Variants in CEP43 observed in about 807,000 individuals in gnomAD.
CEP43 encodes the protein centrosomal protein 43.
CEP43 carries 36 observed loss-of-function variants against 52.6 expected under a neutral mutation model. The observed-to-expected ratio is 0.68, with a 90% CI of 0.52 to 0.90. The LOEUF is 0.90. Ranked by LOEUF, CEP43 falls within the 40% of genes least tolerant of loss-of-function variation. CEP43 has a pLI of 0.00. For synonymous variants in CEP43, 192 were observed against 172.4 expected (o/e 1.11, Z -0.89); for missense variants, 506 against 472.8 (o/e 1.07, Z -0.65).
At chr6:167,008,710 G>A (rs932017130) in intron 5 of CEP43, among the ~76,000 whole-genome samples, 8 of 151,824 alleles carry the variant, frequency 5.3e-5, no homozygotes, top group African/African-American at 1.2e-4. Context: ...CTCTGACCTC[G>A]TGATCCACCC....
intron 7 of CEP43, among the ~76,000 whole-genome samples, chr6:167,016,170 T>C (rs1286197227): frequency 6.6e-6 from 1 of 152,220 alleles, no homozygotes; most frequent in African/African-American, 2.4e-5. Context: ...TCTATATTTT[T>C]TTGTTTTTAA....
At chr6:167,016,985 T>C (rs1302862558) in intron 7 of CEP43, among the ~76,000 whole-genome samples, 1 of 149,716 alleles carries the variant, frequency 6.7e-6, no homozygotes, top group Non-Finnish European at 1.5e-5. Context: ...ATTTATTATT[T>C]ATTTATTTTT....
rs1388923960 is a variant in CEP43, at chr6:167,047,881, C to G, written c.*7903C>G. On this transcript the variant is annotated 3_prime_UTR_variant, in exon 13 of 13. Transcript: ENST00000366847. ...ACGGTGGATGCCGTAAGTGTTTACA[C>G]TGAAAAGGATTTTCACGAAAACCTG... 3 of 152,032 alleles carry G rather than the reference C, an allele frequency of 2.0e-5. No individual in the cohort carries two copies. The highest frequency in any genetic ancestry group is 4.4e-5 in the Non-Finnish European group (3 of 68,004). The allele number at this position is 152,032 out of a possible 1,614,324, so 9.4% of individuals were successfully genotyped here.
At chr6:167,028,303 G>C in intron 10 of CEP43, 1 of 985,344 alleles carries the variant, frequency 1.0e-6, no homozygotes, top group Non-Finnish European at 1.2e-6. Context: ...AGGGAATGTC[G>C]TTGCTGGGGC....
Position 167,003,736 on chromosome 6 carries a change from T to C in CEP43, c.225T>C (p.Ala75=). Residue 75 remains alanine, a synonymous_variant, in exon 4 of 13, where the codon GCT becomes GCC. Transcript: ENST00000366847. ...TGATCTTTATAGGTCGTTTAGTGGCTAGTCTTGTTGCAGAATTTCTTCAGT... is the reference window on the plus strand; with the variant it reads ...TGATCTTTATAGGTCGTTTAGTGGCCAGTCTTGTTGCAGAATTTCTTCAGT... ...FLNTKDGRLV[A]SLVAEFLQFF... 1.9e-6 allele frequency: 3 copies of C among 1,610,570 alleles called. No individual in the cohort carries two copies. Among genetic ancestry groups the C allele is most frequent in the Non-Finnish European group, 2.5e-6 (3 of 1,177,516 alleles).
chr6:167,038,525 A>T (rs760073055), intron 12 of CEP43, among the ~76,000 whole-genome samples: 1 of 152,218 alleles, frequency 6.6e-6, no homozygotes, highest in Non-Finnish European at 1.5e-5. Flanking sequence ...TGTGAACAGA[A>T]TCATACATTG....
At chr6:166,999,727 G>A (rs570445287) in intron 1 of CEP43, 45 of 487,324 alleles carry the variant, frequency 9.2e-5, no homozygotes, top group Non-Finnish European at 1.5e-4. Flanking sequence ...ACCGCGGACT[G>A]GGGGTGCCTG....
intron 7 of CEP43, among the ~76,000 whole-genome samples, chr6:167,021,400 A>G (rs1780228686): frequency 6.6e-6 from 1 of 152,238 alleles, no homozygotes; most frequent in African/African-American, 2.4e-5. Flanking sequence ...ATATCCACAG[A>G]TAGAAAGCCA....
At position 167,040,658 on chromosome 6, in the gene CEP43, C is replaced by T. The variant is rs1199985567; in HGVS notation, c.*680C>T. ...AGAATTGTCAATAACATAACATTTGCAATCGTCATTCCTCCTGTTATCCAT... is the reference window on the plus strand; with the variant it reads ...AGAATTGTCAATAACATAACATTTGTAATCGTCATTCCTCCTGTTATCCAT... On this transcript the variant is annotated 3_prime_UTR_variant, in exon 13 of 13. Coordinates refer to ENST00000366847, the MANE Select transcript of CEP43 (RefSeq NM_007045.4). The T allele has an allele frequency of 6.8e-6, 7 of 1,022,866 alleles. No homozygotes were observed. Among genetic ancestry groups the T allele is most frequent in the Admixed American group, 5.5e-5 (1 of 18,306 alleles). The allele number at this position is 1,022,866 out of a possible 1,614,324, so 63.4% of individuals were successfully genotyped here.
At chr6:167,008,920 G>C (rs986150029) in intron 5 of CEP43, among the ~76,000 whole-genome samples, 1 of 152,112 alleles carries the variant, frequency 6.6e-6, no homozygotes, top group Non-Finnish European at 1.5e-5. Context: ...CACATAAGAA[G>C]GCAAATCTAG....
rs1049953660 is a variant in CEP43 at position 167,042,515 on chromosome 6, T to C, written c.*2537T>C. On this transcript the variant is annotated 3_prime_UTR_variant, in exon 13 of 13. Transcript: ENST00000366847. ...CCTCATGCTTGCCCACAGCTCTTCC[T>C]CCCCTCCTTACTTCCCTCTCCTGCC... The C allele has an allele frequency of 5.4e-5, 15 of 280,126 alleles. No homozygotes were observed. Among genetic ancestry groups the C allele is most frequent in the Middle Eastern group, 1.8e-3 (1 of 546 alleles). 17.4% of individuals were successfully genotyped at this position (280,126 alleles called of 1,614,324 possible).
intron 5 of CEP43, among the ~76,000 whole-genome samples, chr6:167,010,018 A>C (rs1213193558): frequency 1.3e-5 from 2 of 152,208 alleles, no homozygotes; most frequent in Non-Finnish European, 2.9e-5. Flanking sequence ...TCACCAACAG[A>C]AATAGTGGGA....
chr6:167,003,565 T>C, intron 3 of CEP43, 158 bp from the exon 4 acceptor site: 1 of 565,330 alleles, frequency 1.8e-6, no homozygotes, highest in Non-Finnish European at 3.1e-6. Context: ...GAGATTGAGA[T>C]TTTCATTACT....
intron 5 of CEP43, 93 bp from the exon 6 acceptor site, chr6:167,010,720 G>A (rs1428336242): frequency 7.2e-6 from 4 of 556,320 alleles, no homozygotes; most frequent in Admixed American, 4.0e-5. Flanking sequence ...ACATTGTATA[G>A]TGTTTTTAAA....
chr6:167,000,420 C>T (rs1480212043), intron 2 of CEP43, among the ~76,000 whole-genome samples: 1 of 152,174 alleles, frequency 6.6e-6, no homozygotes, highest in Non-Finnish European at 1.5e-5. Context: ...CACTCAGATC[C>T]TTTAGTAAGC....
At chr6:167,026,399 TTAATCAC>T in intron 9 of CEP43, 141 bp from the exon 10 acceptor site, 1 of 637,466 alleles carries the variant, frequency 1.6e-6, no homozygotes, top group Non-Finnish European at 2.8e-6. Flanking sequence ...TAAGCGTTCA[TTAATCAC>T]AGTTTATTTT....
intron 6 of CEP43, chr6:167,011,565 A>G (rs1779985965): frequency 6.6e-6 from 1 of 152,282 alleles, no homozygotes; most frequent in South Asian, 2.1e-4. Context: ...TCAAGAGCAC[A>G]GCATGAATTG....
chr6:167,006,227 T>C (rs1013857626), intron 5 of CEP43, among the ~76,000 whole-genome samples: 4 of 152,352 alleles, frequency 2.6e-5, no homozygotes, highest in South Asian at 4.1e-4. Flanking sequence ...ATTGAAAATA[T>C]TCGGATAGGC....
At chr6:167,021,715 T>TACAC (rs112523119) in intron 7 of CEP43, among the ~76,000 whole-genome samples, 70 of 151,130 alleles carry the variant, frequency 4.6e-4, no homozygotes, top group Admixed American at 1.3e-3. Flanking sequence ...CATAGAGAAA[T>TACAC]ACACACACAC....
Sources: gnomAD v4.1 joint callset for allele counts (sites outside exome capture counted in the v4.1 genomes callset) on GRCh38, gnomAD v4.1.1 for gene constraint, MANE v1.5 for transcripts, NCBI Gene and HGNC (gene_info 2026-07-23, HGNC 2026-07-21) for gene names.